The following EYS variants were observed in gnomAD, a reference collection of about 807,000 sequenced individuals.
EYS encodes EGF-like photoreceptor maintenance factor.
A neutral mutation model predicts 282.1 loss-of-function variants in EYS; 250 were observed. That is an observed-to-expected ratio of 0.89 (90% confidence interval 0.80 to 0.98). The LOEUF (loss-of-function observed/expected upper bound fraction) is 0.98, where lower values mean the gene tolerates loss of function less well. EYS is among the 50% of genes least tolerant of loss of function. The pLI is 0.00. For synonymous variants in EYS, 1,355 were observed against 1,282.9 expected, an observed-to-expected ratio of 1.06 and a Z score of -1.20; for missense variants, 4,016 against 3,709.0, an observed-to-expected ratio of 1.08 and a Z score of -2.15.
intron 31 of EYS, among the ~76,000 whole-genome samples, chr6:64,159,884 T>C (rs1381453562): frequency 6.6e-6 from 1 of 152,230 alleles, no homozygotes; most frequent in Non-Finnish European, 1.5e-5. Context: ...CTTAATGCTA[T>C]GCTTGTTACA....
chr6:65,043,143 C>T (rs527826784), intron 13 of EYS, among the ~76,000 whole-genome samples: 12 of 151,436 alleles, frequency 7.9e-5, no homozygotes, highest in African/African-American at 1.9e-4. Flanking sequence ...TTTTGATATA[C>T]GTATACAAAG....
intron 2 of EYS, among the ~76,000 whole-genome samples, chr6:65,603,363 G>A (rs1005304661): frequency 7.2e-5 from 11 of 151,882 alleles, no homozygotes; most frequent in Non-Finnish European, 1.5e-4. Flanking sequence ...AGATTTAGAA[G>A]TGAATGATGG....
chr6:64,542,558 C>T (rs1477584321), intron 26 of EYS, among the ~76,000 whole-genome samples: 3 of 152,036 alleles, frequency 2.0e-5, no homozygotes, highest in Admixed American at 2.0e-4. Flanking sequence ...ATTTGGTCTA[C>T]AGTGATTGTG....
At chr6:64,429,114 G>A (rs565713359) in intron 28 of EYS, among the ~76,000 whole-genome samples, 6 of 152,168 alleles carry the variant, frequency 3.9e-5, no homozygotes, top group East Asian at 1.9e-4. Flanking sequence ...TTAAATGGAC[G>A]TATCAAGTAA....
At chr6:65,240,316 C>A (rs372317494) in intron 12 of EYS, among the ~76,000 whole-genome samples, 24 of 151,926 alleles carry the variant, frequency 1.6e-4, no homozygotes, top group African/African-American at 5.8e-4. Flanking sequence ...GGTACACTTG[C>A]AGGTTTGTTA....
intron 24 of EYS, among the ~76,000 whole-genome samples, chr6:64,615,332 G>T (rs1387424814): frequency 6.6e-6 from 1 of 151,930 alleles, no homozygotes; most frequent in East Asian, 1.9e-4. Flanking sequence ...AAAGATTAGT[G>T]GGGGAGGGAA....
chr6:65,654,035 T>A (rs1767739410), intron 1 of EYS, among the ~76,000 whole-genome samples: 1 of 151,976 alleles, frequency 6.6e-6, no homozygotes, highest in African/African-American at 2.4e-5. Flanking sequence ...TTCATTGATA[T>A]AAAAAGTTAT....
chr6:64,042,896 T>C (rs1770454012), intron 33 of EYS, among the ~76,000 whole-genome samples: 1 of 152,260 alleles, frequency 6.6e-6, no homozygotes, highest in Admixed American at 6.5e-5. Flanking sequence ...CATAAACTTT[T>C]CTAAAACTGC....
rs563684600 is a variant in EYS, at chr6:65,131,446, T to TTTTTG, written c.2024-73720_2024-73719insCAAAA. 1.9e-3 allele frequency among the ~76,000 whole-genome samples: 295 copies of TTTTTG among 152,038 alleles called. 2 individuals carry two copies. The highest frequency in any genetic ancestry group is 6.5e-3 in the African/African-American group (271 of 41,524). ...AAAAAATCACTCAAAACTGTGCAAT[T>TTTTTG]ACATGAAAATTAAACAATATGCTCC... On this transcript the variant is annotated intron_variant, in intron 12 of 42. Transcript: ENST00000503581.
intron 12 of EYS, among the ~76,000 whole-genome samples, chr6:65,210,044 A>G (rs1428169794): frequency 6.6e-6 from 1 of 152,040 alleles, no homozygotes; most frequent in Admixed American, 6.6e-5. Flanking sequence ...TGTAGTTGAG[A>G]GTTGACAAAA....
intron 29 of EYS, among the ~76,000 whole-genome samples, chr6:64,320,176 T>TA (rs1348119561): frequency 6.6e-6 from 1 of 152,022 alleles, no homozygotes; most frequent in African/African-American, 2.4e-5. Flanking sequence ...AAGTCAGTGA[T>TA]AAATTTTTTA....
intron 22 of EYS, among the ~76,000 whole-genome samples, chr6:64,706,002 C>A (rs9342383): frequency 0.8 from 120,120 of 150,414 alleles, 48,334 homozygotes; most frequent in Non-Finnish European, 0.85. Flanking sequence ...AAATAACTAA[C>A]TAAATAAAAA....
chr6:65,442,311 T>C (rs12665776), intron 5 of EYS, among the ~76,000 whole-genome samples: 28,160 of 151,974 alleles, frequency 0.19, 3,255 homozygotes, highest in Middle Eastern at 0.29. Flanking sequence ...ATTTTGATTA[T>C]TGGGTTTGAA....
chr6:65,196,686 A>G (rs1400079743), intron 12 of EYS, among the ~76,000 whole-genome samples: 1 of 152,144 alleles, frequency 6.6e-6, no homozygotes, highest in Non-Finnish European at 1.5e-5. Flanking sequence ...TACTATAAAG[A>G]AAACTAAAGC....
At chr6:64,268,446 CAT>C (rs1767833762) in intron 30 of EYS, among the ~76,000 whole-genome samples, 1 of 151,912 alleles carries the variant, frequency 6.6e-6, no homozygotes, top group South Asian at 2.1e-4. Context: ...AAATGATTTA[CAT>C]ATATGATTTA....
intron 22 of EYS, among the ~76,000 whole-genome samples, chr6:64,723,978 C>T (rs945230544): frequency 6.6e-6 from 1 of 152,146 alleles, no homozygotes; most frequent in African/African-American, 2.4e-5. Flanking sequence ...TCCTGGTGGT[C>T]CCACTTCTAT....
At chr6:64,757,974 C>T (rs987730649) in intron 22 of EYS, among the ~76,000 whole-genome samples, 1 of 152,082 alleles carries the variant, frequency 6.6e-6, no homozygotes, top group African/African-American at 2.4e-5. Context: ...CGGGGTTTCA[C>T]CGTGTTAGTC....
intron 31 of EYS, among the ~76,000 whole-genome samples, chr6:64,191,020 A>G (rs1765086858): frequency 6.6e-6 from 1 of 152,134 alleles, no homozygotes; most frequent in African/African-American, 2.4e-5. Flanking sequence ...ACTTCTGAGA[A>G]ATATCTGTGT....
chr6:64,050,287 G>T (rs1770765263), intron 33 of EYS, among the ~76,000 whole-genome samples: 1 of 151,904 alleles, frequency 6.6e-6, no homozygotes, highest in African/African-American at 2.4e-5. Context: ...CTGCCATTAT[G>T]TTGTATCTCT....
Sources: gnomAD v4.1 joint callset for allele counts (sites outside exome capture counted in the v4.1 genomes callset) on GRCh38, gnomAD v4.1.1 for gene constraint, MANE v1.5 for transcripts, NCBI Gene and HGNC (gene_info 2026-07-23, HGNC 2026-07-21) for gene names.